DLG2: variants seen among roughly 807,000 people sequenced by gnomAD.
DLG2 encodes discs large MAGUK scaffold protein 2.
In DLG2, 45 loss-of-function variants were observed where a neutral mutation model predicts 132.5. The ratio of observed to expected loss-of-function variants is 0.34; its 90% CI spans 0.27 to 0.44. The LOEUF (loss-of-function observed/expected upper bound fraction) is 0.44, where lower values mean the gene tolerates loss of function less well. Among genes scored for constraint, DLG2 ranks in the 20% least tolerant of loss-of-function variants. DLG2 has a pLI of 1.00. For missense variants in DLG2, 1,045 were observed against 1,196.9 expected (o/e 0.87, Z 1.87); for synonymous variants, 424 against 419.6 (o/e 1.01, Z -0.13).
chr11:85,395,970 T>C (rs557296203), intron 3 of DLG2, among the ~76,000 whole-genome samples: 1 of 152,192 alleles, frequency 6.6e-6, no homozygotes, highest in Admixed American at 6.5e-5. Flanking sequence ...CTCAAGTGAG[T>C]CCCTGACCCC....
intron 6 of DLG2, among the ~76,000 whole-genome samples, chr11:84,822,531 A>C (rs2077822960): frequency 6.6e-6 from 1 of 151,894 alleles, no homozygotes; most frequent in Admixed American, 6.6e-5. Flanking sequence ...AAACATTAGG[A>C]ATCATCTTAA....
intron 6 of DLG2, among the ~76,000 whole-genome samples, chr11:85,109,171 T>C (rs1385003770): frequency 6.6e-6 from 1 of 152,114 alleles, no homozygotes; most frequent in African/African-American, 2.4e-5. Flanking sequence ...GGAGCCCACC[T>C]CTGTGGACTG....
chr11:83,814,292 G>A (rs1239756290), intron 17 of DLG2, among the ~76,000 whole-genome samples: 1 of 152,118 alleles, frequency 6.6e-6, no homozygotes, highest in African/African-American at 2.4e-5. Flanking sequence ...GCATCTGGAT[G>A]CTAATAATAA....
chr11:84,481,104 A>G (rs1460864114), intron 7 of DLG2, among the ~76,000 whole-genome samples: 1 of 152,080 alleles, frequency 6.6e-6, no homozygotes, highest in Non-Finnish European at 1.5e-5. Flanking sequence ...AAAAGAGATA[A>G]TATAGGAAAA....
At chr11:84,549,248 C>T (rs1565269153) in intron 6 of DLG2, among the ~76,000 whole-genome samples, 1 of 152,148 alleles carries the variant, frequency 6.6e-6, no homozygotes, top group Non-Finnish European at 1.5e-5. Flanking sequence ...GATTTGGGAG[C>T]AAACTCAACA....
chr11:83,942,306 G>GAC (rs2154139703), intron 14 of DLG2, among the ~76,000 whole-genome samples: 1 of 152,036 alleles, frequency 6.6e-6, no homozygotes, highest in South Asian at 2.1e-4. Context: ...TATAAAGATA[G>GAC]ACACACCATA....
chr11:84,007,389 A>C (rs1414489183), intron 11 of DLG2, among the ~76,000 whole-genome samples: 1 of 151,708 alleles, frequency 6.6e-6, no homozygotes, highest in Non-Finnish European at 1.5e-5. Flanking sequence ...AGGTATCTTT[A>C]CTTTGCCATA....
chr11:83,863,405 C>T (rs1341631486), intron 16 of DLG2, among the ~76,000 whole-genome samples: 1 of 152,136 alleles, frequency 6.6e-6, no homozygotes, highest in Non-Finnish European at 1.5e-5. Flanking sequence ...GTGCTGTGTT[C>T]TGTCTTCCAC....
intron 15 of DLG2, among the ~76,000 whole-genome samples, chr11:83,888,451 G>T (rs1055103338): frequency 6.6e-6 from 1 of 151,918 alleles, no homozygotes; most frequent in African/African-American, 2.4e-5. Flanking sequence ...AAATAAAAGA[G>T]GATACAAACA....
At chr11:84,927,148 C>T (rs921851226) in intron 6 of DLG2, among the ~76,000 whole-genome samples, 1 of 151,866 alleles carries the variant, frequency 6.6e-6, no homozygotes, top group Non-Finnish European at 1.5e-5. Flanking sequence ...AAAAAGTTTT[C>T]AATATTAAAG....
At chr11:84,268,135 T>G (rs761997183) in intron 7 of DLG2, among the ~76,000 whole-genome samples, 2 of 152,184 alleles carry the variant, frequency 1.3e-5, no homozygotes, top group Non-Finnish European at 2.9e-5. Context: ...GTTCCAGTTG[T>G]TTTTAACCTC....
intron 6 of DLG2, among the ~76,000 whole-genome samples, chr11:84,884,806 T>A (rs1035485551): frequency 5.3e-5 from 8 of 152,084 alleles, no homozygotes; most frequent in African/African-American, 1.9e-4. Context: ...TCCAAAAATA[T>A]TAAATGAAAA....
At chr11:84,695,619 C>G (rs2058536735) in intron 6 of DLG2, among the ~76,000 whole-genome samples, 1 of 151,452 alleles carries the variant, frequency 6.6e-6, no homozygotes, top group African/African-American at 2.4e-5. Context: ...TTTGTATCAG[C>G]ATTTTAAATA....
intron 6 of DLG2, among the ~76,000 whole-genome samples, chr11:84,707,160 C>A (rs542808920): frequency 2.6e-5 from 4 of 151,814 alleles, no homozygotes; most frequent in Admixed American, 6.6e-5. Flanking sequence ...AAATATAGCT[C>A]CCCAAGCGAA....
intron 8 of DLG2, among the ~76,000 whole-genome samples, chr11:84,181,992 A>G (rs1435367543): frequency 1.3e-5 from 2 of 149,590 alleles, no homozygotes; most frequent in Admixed American, 6.6e-5. Flanking sequence ...ATCAGTAAGG[A>G]TATATTTGAA....
intron 6 of DLG2, among the ~76,000 whole-genome samples, chr11:84,704,632 G>C (rs78976611): frequency 0.13 from 19,094 of 151,254 alleles, 1,470 homozygotes; most frequent in African/African-American, 0.2. Context: ...CTACATGTAG[G>C]CTCAAATTCA....
intron 6 of DLG2, among the ~76,000 whole-genome samples, chr11:84,935,081 C>T (rs73518987): frequency 1.5e-3 from 230 of 152,254 alleles, no homozygotes; most frequent in African/African-American, 5.2e-3. Flanking sequence ...AGAAATCTAG[C>T]AGTCACCTCT....
chr11:84,494,329 A>T (rs1328106239), intron 7 of DLG2, among the ~76,000 whole-genome samples: 1 of 152,132 alleles, frequency 6.6e-6, no homozygotes, highest in African/African-American at 2.4e-5. Context: ...AGGAGGTGAA[A>T]AGTGCTCTCA....
intron 6 of DLG2, among the ~76,000 whole-genome samples, chr11:84,563,331 T>G (rs2099435206): frequency 6.6e-6 from 1 of 152,230 alleles, no homozygotes; most frequent in Non-Finnish European, 1.5e-5. Flanking sequence ...AGTACTATTG[T>G]GATTTATGTT....
Sources: gnomAD v4.1 joint callset for allele counts (sites outside exome capture counted in the v4.1 genomes callset) on GRCh38, gnomAD v4.1.1 for gene constraint, MANE v1.5 for transcripts, NCBI Gene and HGNC (gene_info 2026-07-23, HGNC 2026-07-21) for gene names.